MAP4: variants seen among roughly 807,000 people sequenced by gnomAD.
MAP4 encodes the protein microtubule associated protein 4.
MAP4 carries 76 observed loss-of-function variants against 170.2 expected under a neutral mutation model. That is an observed-to-expected ratio of 0.45 (90% CI 0.37 to 0.54). The LOEUF (loss-of-function observed/expected upper bound fraction) is 0.54, where lower values mean the gene tolerates loss of function less well. MAP4 is among the 20% of genes least tolerant of loss of function. MAP4 has a pLI of 0.00. For synonymous variants in MAP4, 909 were observed against 994.5 expected, an observed-to-expected ratio of 0.91 and a Z score of 1.62; for missense variants, 2,506 against 2,748.0, an observed-to-expected ratio of 0.91 and a Z score of 1.97.
chr3:48,009,439 C>T (rs907396192), intron 1 of MAP4, among the ~76,000 whole-genome samples: 5 of 152,208 alleles, frequency 3.3e-5, no homozygotes, highest in Admixed American at 6.5e-5. Flanking sequence ...TGGTATGCCA[C>T]GCAGCATTGC....
At chr3:48,076,583 G>A (rs1225840183) in intron 1 of MAP4, among the ~76,000 whole-genome samples, 1 of 151,886 alleles carries the variant, frequency 6.6e-6, no homozygotes, top group Non-Finnish European at 1.5e-5. Context: ...GGAGACTGAG[G>A]TGGAAGGATA....
rs1427787045 is a variant in MAP4 at position 47,998,812 on chromosome 3, T to C, written c.49A>G (p.Ile17Val). 1 of 1,614,182 alleles carries C rather than the reference T, an allele frequency of 6.2e-7. No homozygotes were observed. Among genetic ancestry groups the C allele is most frequent in the South Asian group, 1.1e-5 (1 of 91,082 alleles). Residue 17 changes from isoleucine to valine, a missense_variant, in exon 2 of 21, where the codon ATT becomes GTT. Ile to Val is a conservative substitution (Grantham distance 29). Transcript: ENST00000683076. Reference protein sequence around the residue: ...ADALTEPSPDIEGEIKRDFIA... With the variant: ...ADALTEPSPDVEGEIKRDFIA... Reference sequence around the variant, plus strand: ...AAGTCCCGCTTTATCTCTCCCTCAATGTCTGGAGATGGTTCTGTTAATGCA... The same window carrying C: ...AAGTCCCGCTTTATCTCTCCCTCAACGTCTGGAGATGGTTCTGTTAATGCA...
At chr3:48,049,429 G>C (rs1274677752) in intron 1 of MAP4, among the ~76,000 whole-genome samples, 1 of 147,982 alleles carries the variant, frequency 6.8e-6, no homozygotes, top group Non-Finnish European at 1.5e-5. Flanking sequence ...AGACCAGTCT[G>C]AGTAACATAA....
At chr3:47,960,499 G>A (rs1578355947) in intron 3 of MAP4, 1 of 178,510 alleles carries the variant, frequency 5.6e-6, no homozygotes, top group East Asian at 1.7e-4. Context: ...CAGTCTTATT[G>A]ATCAGTTGTA....
At chr3:47,894,059 A>T (rs543281206) in intron 10 of MAP4, among the ~76,000 whole-genome samples, 8 of 152,100 alleles carry the variant, frequency 5.3e-5, no homozygotes, top group Non-Finnish European at 1.0e-4. Context: ...GATGAGTGGC[A>T]ATGTTGCAAT....
chr3:48,076,448 G>A (rs570887696), intron 1 of MAP4, among the ~76,000 whole-genome samples: 6 of 151,310 alleles, frequency 4.0e-5, no homozygotes, highest in African/African-American at 1.5e-4. Flanking sequence ...CTTACAGTGA[G>A]CAGAGATCGC....
At chr3:48,082,206 T>C (rs906935055) in intron 1 of MAP4, among the ~76,000 whole-genome samples, 1 of 152,160 alleles carries the variant, frequency 6.6e-6, no homozygotes, top group Non-Finnish European at 1.5e-5. Context: ...AACAGAATAA[T>C]ATAATCAACG....
At chr3:47,882,399 T>G (rs2096906491) in intron 10 of MAP4, among the ~76,000 whole-genome samples, 1 of 152,246 alleles carries the variant, frequency 6.6e-6, no homozygotes, top group Non-Finnish European at 1.5e-5. Context: ...CTTTCCTGCC[T>G]TCCTGTTGGT....
chr3:47,921,775 T>G lies in MAP4; in HGVS notation c.519A>C (p.Lys173Asn). The change falls in exon 5 of 21, where the codon AAA (lysine) becomes AAC (asparagine). Residue 173 changes from lysine (K) to asparagine (N), a missense_variant. Around this residue, in one of 3 missense-constraint regions of MAP4, gnomAD observed 2,008 missense variants for 2,206.0 expected, o/e 0.91. Transcript: ENST00000683076. ...SIFAGQNDPLKDSYGMSPCNT... is the reference protein window; with the variant it reads ...SIFAGQNDPLNDSYGMSPCNT... ...TTGAAGAAGCCATACCGTAACTGTC[T>G]TTCAAGGGATCATTTTGTCCTGCAA... The G allele has an allele frequency of 6.2e-7, 1 of 1,603,960 alleles. No individual in the cohort carries two copies. Among genetic ancestry groups the G allele is most frequent in the Non-Finnish European group, 8.5e-7 (1 of 1,170,816 alleles).
intron 10 of MAP4, chr3:47,892,478 T>C: frequency 6.5e-7 from 1 of 1,529,990 alleles, no homozygotes; most frequent in Non-Finnish European, 8.7e-7. Flanking sequence ...TGTCTGCTTG[T>C]CTGAGAGCGA....
chr3:47,864,601 C>T (rs1032344961), intron 17 of MAP4, among the ~76,000 whole-genome samples: 12 of 152,078 alleles, frequency 7.9e-5, no homozygotes, highest in African/African-American at 2.2e-4. Context: ...AGCATCAATC[C>T]GGGAGGCGGA....
At chr3:47,877,269 A>C in intron 11 of MAP4, 148 bp downstream of exon 11, 1 of 633,420 alleles carries the variant, frequency 1.6e-6, no homozygotes, top group Non-Finnish European at 2.8e-6. Context: ...ATGAGAATAC[A>C]AGATATTTTC....
intron 1 of MAP4, among the ~76,000 whole-genome samples, chr3:48,046,108 G>A (rs912866571): frequency 6.6e-6 from 1 of 151,244 alleles, no homozygotes; most frequent in African/African-American, 2.4e-5. Flanking sequence ...TTCCCTCAGT[G>A]ATCTATTTCT....
chr3:48,054,457 C>A (rs1163173503), intron 1 of MAP4, among the ~76,000 whole-genome samples: 2 of 151,512 alleles, frequency 1.3e-5, no homozygotes, highest in Admixed American at 6.6e-5. Context: ...CCCGTCTCTA[C>A]CAAAAATACA....
rs976193397 is a variant in MAP4, at chr3:47,911,527, G to C, written c.2894C>G (p.Ala965Gly). 3.3e-6 allele frequency: 5 copies of C among 1,535,950 alleles called. No individual in the cohort carries two copies. In the Admixed American group the frequency reaches 5.9e-5, roughly 18 times the overall value. ...TACCAAATTTGGTATTTCTTTTGCT[G>C]CTGTGGGTTTTGAAACTACACCCAT... ...EVMGVVSKPT[A>G]AKEIPNLVPT... The change falls in exon 9 of 21, where the codon GCA becomes GGA. Residue 965 changes from alanine to glycine, a missense_variant. Physicochemically the swap from Ala to Gly is moderately conservative, Grantham distance 60. Transcript: ENST00000683076. This position sits in a 1 kb window ranked among gnomAD's most constrained non-coding sequence, Gnocchi z 4.0.
chr3:47,869,072 AG>A (rs1347702075), intron 16 of MAP4, 141 bp downstream of exon 16: 18 of 668,684 alleles, frequency 2.7e-5, no homozygotes, highest in Non-Finnish European at 4.4e-5. Context: ...CGAGTCATCA[AG>A]CACAGAGAAG....
chr3:47,921,599 C>T (rs1476320819), intron 5 of MAP4, among the ~76,000 whole-genome samples, 166 bp downstream of exon 5: 1 of 152,198 alleles, frequency 6.6e-6, no homozygotes, highest in Non-Finnish European at 1.5e-5. Context: ...CGGAGTTACT[C>T]ATTCCCTAGG....
chr3:47,998,581 G>A, intron 2 of MAP4, 57 bp downstream of exon 2: 8 of 1,334,030 alleles, frequency 6.0e-6, no homozygotes, highest in Non-Finnish European at 8.5e-6. Flanking sequence ...TATACCAAAG[G>A]CATAATCCCT....
chr3:47,947,734 C>T (rs2100061050), intron 3 of MAP4, among the ~76,000 whole-genome samples: 3 of 150,264 alleles, frequency 2.0e-5, no homozygotes, highest in Admixed American at 2.0e-4. Context: ...TTGCTTGAAC[C>T]CGGGAGGCAG....
Sources: allele counts gnomAD v4.1 joint callset (sites outside exome capture counted in the v4.1 genomes callset), GRCh38; gene constraint gnomAD v4.1.1; regional missense constraint gnomAD v4.1.1; non-coding constraint Gnocchi (gnomAD v3.1); transcripts MANE v1.5; gene names NCBI Gene and HGNC (gene_info 2026-07-23, HGNC 2026-07-21).